NBEAL1: variants seen among roughly 807,000 people sequenced by gnomAD.
NBEAL1 encodes neurobeachin-like protein 1.
In NBEAL1, 273 loss-of-function variants were observed where a neutral mutation model predicts 351.3. The observed-to-expected ratio is 0.78, with a 90% CI of 0.70 to 0.86. The LOEUF (loss-of-function observed/expected upper bound fraction) is 0.86, where lower values mean the gene tolerates loss of function less well. Ranked by LOEUF, NBEAL1 falls within the 40% of genes least tolerant of loss-of-function variation. The pLI is 0.00. For missense variants in NBEAL1, 2,961 were observed against 3,201.3 expected, an observed-to-expected ratio of 0.92 and a Z score of 1.81; for synonymous variants, 1,050 against 1,086.4, an observed-to-expected ratio of 0.97 and a Z score of 0.66.
At chr2:203,049,230 T>G (rs2061283398) in intron 3 of NBEAL1, among the ~76,000 whole-genome samples, 2 of 151,842 alleles carry the variant, frequency 1.3e-5, no homozygotes. Flanking sequence ...AGCTAATTTT[T>G]TGTATTTTTA....
chr2:203,123,831 G>A (rs1207137116), intron 19 of NBEAL1, among the ~76,000 whole-genome samples: 1 of 152,132 alleles, frequency 6.6e-6, no homozygotes, highest in East Asian at 1.9e-4. Flanking sequence ...TTACAGCTAT[G>A]TGGATTATTA....
At chr2:203,156,004 G>T (rs750525412) in intron 35 of NBEAL1, among the ~76,000 whole-genome samples, 1 of 152,092 alleles carries the variant, frequency 6.6e-6, no homozygotes, top group Non-Finnish European at 1.5e-5. Flanking sequence ...GTTTCCAGCT[G>T]CCTGTTGGGA....
chr2:203,048,657 A>G (rs1384745511), intron 3 of NBEAL1, among the ~76,000 whole-genome samples: 1 of 152,200 alleles, frequency 6.6e-6, no homozygotes. Flanking sequence ...TTAAATGATC[A>G]GCTCTATGTT....
chr2:203,168,508 G>A (rs1474642093), intron 38 of NBEAL1, among the ~76,000 whole-genome samples: 5 of 152,130 alleles, frequency 3.3e-5, no homozygotes, highest in African/African-American at 1.2e-4. Flanking sequence ...ACTTGAACCT[G>A]GGAGGCAGAG....
intron 36 of NBEAL1, among the ~76,000 whole-genome samples, chr2:203,164,962 A>G (rs1210679272): frequency 2.6e-5 from 4 of 151,814 alleles, no homozygotes; most frequent in African/African-American, 9.7e-5. Flanking sequence ...GCCAGATTCA[A>G]GCGATTCTTT....
intron 51 of NBEAL1, among the ~76,000 whole-genome samples, chr2:203,206,861 G>C (rs7566196): frequency 1 from 148,748 of 148,914 alleles, 74,293 homozygotes; most frequent in Non-Finnish European, 1. Flanking sequence ...AAGTGAGGAG[G>C]GTCTCTGCCT....
intron 8 of NBEAL1, among the ~76,000 whole-genome samples, chr2:203,078,123 G>A (rs1289509072): frequency 6.6e-6 from 1 of 152,130 alleles, no homozygotes; most frequent in East Asian, 1.9e-4. Context: ...GATGATAGAG[G>A]AAGTCAACCT....
At chr2:203,185,372 C>T (rs1261634967) in intron 44 of NBEAL1, among the ~76,000 whole-genome samples, 1 of 152,004 alleles carries the variant, frequency 6.6e-6, no homozygotes, top group East Asian at 1.9e-4. Flanking sequence ...AATTCAGTGG[C>T]TTAAAAGTAT....
Position 203,191,162 on chromosome 2 carries a change from C to T in NBEAL1, c.6921+773C>T, listed in dbSNP as rs545289637. On this transcript the variant is annotated intron_variant, in intron 46 of 55. Transcript: ENST00000683969. Reference sequence around the variant, plus strand: ...TCCTTAGCCAGAGAACTCTCTGGAACCATTAAAGAGATCCTGGGGACTGCC... The same window carrying T: ...TCCTTAGCCAGAGAACTCTCTGGAATCATTAAAGAGATCCTGGGGACTGCC... The T allele has an allele frequency of 4.4e-6, 7 of 1,579,294 alleles. No homozygotes were observed. The African/African-American group carries it at 8.1e-5, about 18-fold the overall frequency.
intron 35 of NBEAL1, among the ~76,000 whole-genome samples, chr2:203,155,986 A>G (rs1192168439): frequency 6.6e-6 from 1 of 152,170 alleles, no homozygotes; most frequent in Non-Finnish European, 1.5e-5. Context: ...TTTGAACTCT[A>G]GAACAATGTT....
chr2:203,053,627 G>GT (rs898634661), intron 4 of NBEAL1, among the ~76,000 whole-genome samples: 7 of 151,882 alleles, frequency 4.6e-5, no homozygotes, highest in Non-Finnish European at 7.4e-5. Flanking sequence ...TCCTTCTTCA[G>GT]TTCCCCCCAC....
intron 42 of NBEAL1, 103 bp from the exon 43 acceptor site, chr2:203,180,279 A>G: frequency 2.1e-6 from 2 of 944,198 alleles, no homozygotes; most frequent in Non-Finnish European, 3.2e-6. Flanking sequence ...AGAAAACAGT[A>G]CCTCTAATCA....
chr2:203,095,814 C>A (rs552879234), intron 10 of NBEAL1, among the ~76,000 whole-genome samples: 1 of 151,906 alleles, frequency 6.6e-6, no homozygotes, highest in Non-Finnish European at 1.5e-5. Flanking sequence ...ACTCTGTCAC[C>A]TAGGCTGGAG....
intron 51 of NBEAL1, 40 bp from the exon 52 acceptor site, chr2:203,208,597 A>G (rs1485082488): frequency 1.4e-6 from 2 of 1,459,666 alleles, no homozygotes; most frequent in Non-Finnish European, 9.5e-7. Context: ...ACAGGAAACA[A>G]GAAACCACCT....
chr2:203,090,821 G>A (rs573937238), intron 10 of NBEAL1, among the ~76,000 whole-genome samples: 2 of 152,132 alleles, frequency 1.3e-5, no homozygotes, highest in South Asian at 2.1e-4. Flanking sequence ...CCCCGGAGGC[G>A]GAGGTTGCAG....
rs143005867 is a variant in NBEAL1, at chr2:203,168,155, A to T, written c.5997+795A>T. Among the ~76,000 whole-genome samples, 613 of 152,328 alleles carry T rather than the reference A, an allele frequency of 4.0e-3. 5 individuals are homozygous for T. Among genetic ancestry groups the T allele is most frequent in the African/African-American group, 0.014 (579 of 41,574 alleles). On this transcript the variant is annotated intron_variant, in intron 38 of 55. Coordinates refer to ENST00000683969, the MANE Select transcript of NBEAL1 (RefSeq NM_001378026.1). ...TTTCCTTCATAGGAAAATACAAAGC[A>T]TGTGTTTTATGGAAAGCTGTGTCAT...
chr2:203,131,884 T>TTTAATGTTAATAAGTTAACATTAAATA, intron 25 of NBEAL1, 89 bp from the exon 26 acceptor site: 1 of 886,910 alleles, frequency 1.1e-6, no homozygotes, highest in Non-Finnish European at 1.6e-6. Flanking sequence ...AACATTAATA[T>TTTAATGTTAATAAGTTAACATTAAATA]TTAATGTTAA....
At chr2:203,094,205 C>T (rs2062129358) in intron 10 of NBEAL1, among the ~76,000 whole-genome samples, 1 of 151,950 alleles carries the variant, frequency 6.6e-6, no homozygotes, top group Admixed American at 6.6e-5. Flanking sequence ...ACAGTTTAGT[C>T]AGTAGGGAAA....
chr2:203,083,371 T>C lies in NBEAL1; in HGVS notation c.837T>C (p.Leu279=). The change falls in exon 9 of 56, where the codon CTT becomes CTC. Residue 279 remains leucine (L), a synonymous_variant. Transcript: ENST00000683969. Reference sequence around the variant, plus strand: ...GCCTTACAGAAGTGGTACATATCCTTCTCAGTAGCAACTCTGATCAGCGTC... The same window carrying C: ...GCCTTACAGAAGTGGTACATATCCTCCTCAGTAGCAACTCTGATCAGCGTC... ...LKCLTEVVHI[L]LSSNSDQRQV... is the part of the protein sequence containing the mutation. 2 of 1,555,364 alleles carry C rather than the reference T, an allele frequency of 1.3e-6. No individual in the cohort carries two copies. The highest frequency in any genetic ancestry group is 1.7e-6 in the Non-Finnish European group (2 of 1,148,000).
Sources: allele counts gnomAD v4.1 joint callset (sites outside exome capture counted in the v4.1 genomes callset), GRCh38; gene constraint gnomAD v4.1.1; transcripts MANE v1.5; gene names NCBI Gene and HGNC (gene_info 2026-07-23, HGNC 2026-07-21).